The following GAD1 variants were observed in gnomAD, a reference collection of about 807,000 sequenced individuals.
GAD1 encodes glutamate decarboxylase 1.
GAD1 carries 35 observed loss-of-function variants against 75.2 expected under a neutral mutation model. That is an observed-to-expected ratio of 0.47 (90% CI 0.36 to 0.62). GAD1 has a LOEUF of 0.62. Among genes scored for constraint, GAD1 ranks in the 20% least tolerant of loss-of-function variants. The pLI, the probability that GAD1 is intolerant of heterozygous loss-of-function variation, is 0.00. For synonymous variants in GAD1, 257 were observed against 271.9 expected (o/e 0.95, Z 0.54); for missense variants, 490 against 758.5 (o/e 0.65, Z 4.16).
Position 170,853,108 on chromosome 2 carries a change from T to C in GAD1, c.1263+316T>C. 1 of 429,314 alleles carries C rather than the reference T, an allele frequency of 2.3e-6. No homozygotes were observed. Among genetic ancestry groups the C allele is most frequent in the Non-Finnish European group, 4.3e-6 (1 of 230,504 alleles). 26.6% of individuals were successfully genotyped at this position (429,314 alleles called of 1,614,324 possible). ...GGGAGCAAGTAGGTGAGGCATCCAA[T>C]CAGTTTTGTCCTCAGTGAGGACAAA... On this transcript the variant is annotated intron_variant, in intron 13 of 16. Transcript: ENST00000358196. This position sits in a 1 kb window ranked among gnomAD's most constrained non-coding sequence, Gnocchi z 4.1.
intron 14 of GAD1, among the ~76,000 whole-genome samples, chr2:170,854,590 A>G (rs1702812537): frequency 6.6e-6 from 1 of 152,104 alleles, no homozygotes; most frequent in African/African-American, 2.4e-5. Flanking sequence ...TATTTTTGGT[A>G]GAGACGGGGT....
intron 5 of GAD1, among the ~76,000 whole-genome samples, chr2:170,834,838 T>C (rs1013346069): frequency 1.3e-5 from 2 of 151,490 alleles, no homozygotes; most frequent in African/African-American, 2.4e-5. Context: ...TGGCGTGATC[T>C]CGGCTCACTG....
chr2:170,822,042 T>G (rs777297066), intron 2 of GAD1, 45 bp from the exon 3 acceptor site: 1 of 1,536,028 alleles, frequency 6.5e-7, no homozygotes, highest in Non-Finnish European at 8.9e-7. Flanking sequence ...TTCCCCGCGG[T>G]CGGAACCTCC....
At chr2:170,848,454 G>A (rs559605453) in intron 11 of GAD1, among the ~76,000 whole-genome samples, 19 of 145,472 alleles carry the variant, frequency 1.3e-4, no homozygotes, top group African/African-American at 3.8e-4. Context: ...CTGGGATCAC[G>A]CCACATCACT....
intron 12 of GAD1, among the ~76,000 whole-genome samples, chr2:170,850,585 G>T (rs530371239): frequency 6.8e-4 from 103 of 152,248 alleles, no homozygotes; most frequent in African/African-American, 2.3e-3. Context: ...GCCCGCCCAG[G>T]GCTTCTCCCA....
At chr2:170,828,471 TGTCCTTG>T in intron 3 of GAD1, among the ~76,000 whole-genome samples, 1 of 73,058 alleles carries the variant, frequency 1.4e-5, no homozygotes, top group Non-Finnish European at 2.8e-5. Context: ...CTCCCTCTGC[TGTCCTTG>T]ATCTCCTCCC....
intron 5 of GAD1, among the ~76,000 whole-genome samples, chr2:170,831,821 T>C (rs1395393594): frequency 3.4e-5 from 5 of 146,808 alleles, no homozygotes; most frequent in African/African-American, 9.9e-5. Context: ...ATAATATTTA[T>C]ATATATATGA....
At chr2:170,836,920 G>A (rs1702390974) in intron 6 of GAD1, 37 bp downstream of exon 6, 2 of 1,382,786 alleles carry the variant, frequency 1.4e-6, no homozygotes, top group South Asian at 2.3e-5. Context: ...CAACCCTGAT[G>A]TATGACTATG....
intron 6 of GAD1, chr2:170,842,594 T>C (rs2105795776): frequency 6.2e-7 from 1 of 1,614,058 alleles, no homozygotes; most frequent in East Asian, 2.2e-5. Flanking sequence ...GGAGTGTTGG[T>C]TGCTACGGTG....
chr2:170,814,715 TACTC>T (rs147894781), upstream of GAD1, among the ~76,000 whole-genome samples: 302 of 152,314 alleles, frequency 2.0e-3, 7 homozygotes, highest in East Asian at 0.04. Flanking sequence ...ATTCCTCCCC[TACTC>T]ACCATAAAGG....
At chr2:170,830,882 G>T in intron 4 of GAD1, 68 bp from the exon 5 acceptor site, 1 of 1,599,038 alleles carries the variant, frequency 6.3e-7, no homozygotes. Context: ...TTAATATTAG[G>T]GGTCTCTGGG....
In GAD1 at chr2:170,849,493, G is replaced by A. The variant is rs933065643; in HGVS notation, c.1184+143G>A. On this transcript the variant is annotated intron_variant, in intron 12 of 16. Coordinates refer to ENST00000358196, the MANE Select transcript of GAD1 (RefSeq NM_000817.3). ...CTTCAGTTCAGCAGGCATTTGTTGA[G>A]CATTTATTGGATGACTGATTTCCCA... 2.3e-4 allele frequency: 176 copies of A among 764,066 alleles called. No homozygotes were observed. In the African/African-American group the frequency reaches 2.9e-3, roughly 13 times the overall value. The allele number at this position is 764,066 out of a possible 1,614,324, so 47.3% of individuals were successfully genotyped here.
At chr2:170,822,411 C>T (rs1009089774) in intron 3 of GAD1, among the ~76,000 whole-genome samples, 7 of 152,242 alleles carry the variant, frequency 4.6e-5, no homozygotes, top group African/African-American at 1.7e-4. Flanking sequence ...GGGTGCCCTG[C>T]CTGGGCGCAG....
intron 2 of GAD1, among the ~76,000 whole-genome samples, chr2:170,819,314 A>T (rs1701802543): frequency 7.5e-6 from 1 of 133,666 alleles, no homozygotes; most frequent in African/African-American, 2.6e-5. Flanking sequence ...AAATAAATAA[A>T]TAGGGGAGCG....
rs76368226 is a variant in GAD1 at position 170,830,812 on chromosome 2, T to C, written c.305-138T>C. The stretch of plus-strand genomic sequence containing the variant: ...TGCATTTTTCTGGAGATGTGGTATA[T>C]CCGATTCTCAGTGCACATACATATC... On this transcript the variant is annotated intron_variant, in intron 4 of 16. Coordinates refer to ENST00000358196, the MANE Select transcript of GAD1 (RefSeq NM_000817.3). 1,099 of 1,094,616 alleles carry C rather than the reference T, an allele frequency of 1.0e-3. 5 individuals are homozygous for C. In the African/African-American group the frequency reaches 0.015, roughly 15 times the overall value. The allele number at this position is 1,094,616 out of a possible 1,614,324, so 67.8% of individuals were successfully genotyped here. A position where few individuals can be genotyped will look rare whatever the true frequency, so the allele number is the denominator to read the frequency against.
intron 5 of GAD1, 145 bp downstream of exon 5, chr2:170,831,337 C>A: frequency 1.1e-6 from 1 of 919,966 alleles, no homozygotes; most frequent in Non-Finnish European, 1.8e-6. Flanking sequence ...ACCACAAGAA[C>A]AAGCTTGGGC....
At chr2:170,813,980 A>C (rs1267595452), upstream of GAD1, among the ~76,000 whole-genome samples, 1 of 151,966 alleles carries the variant, frequency 6.6e-6, no homozygotes, top group Admixed American at 6.5e-5. Flanking sequence ...ATACAATCGA[A>C]ACAGCTGGGC....
At chr2:170,819,947 CT>C (rs904341358) in intron 2 of GAD1, among the ~76,000 whole-genome samples, 2 of 132,544 alleles carry the variant, frequency 1.5e-5, no homozygotes, top group Non-Finnish European at 3.6e-5. Context: ...TCCTTTGCAG[CT>C]CCCTCTTCCC....
rs1702625568 is a variant in GAD1 at position 170,846,055 on chromosome 2, A to G, written c.994A>G (p.Lys332Glu). 1 of 1,613,570 alleles carries G rather than the reference A, an allele frequency of 6.2e-7. No homozygotes were observed. The highest frequency in any genetic ancestry group is 1.3e-5 in the African/African-American group (1 of 75,054). Residue 332 changes from lysine (K) to glutamate (E), a missense_variant, in exon 10 of 17, where the codon AAA (lysine) becomes GAA (glutamate). Lys to Glu is a moderately conservative substitution (Grantham distance 56). Transcript: ENST00000358196. ...TTTTGAGGCAAAAATTCTTGAAGCCAAACAGAAGGTATGTACTCCGTGGTG... is the reference window on the plus strand; with the variant it reads ...TTTTGAGGCAAAAATTCTTGAAGCCGAACAGAAGGTATGTACTCCGTGGTG... ...ADFEAKILEAKQKGYVPFYVN... is the reference protein window; with the variant it reads ...ADFEAKILEAEQKGYVPFYVN...
Sources: allele counts gnomAD v4.1 joint callset (sites outside exome capture counted in the v4.1 genomes callset), GRCh38; gene constraint gnomAD v4.1.1; non-coding constraint Gnocchi (gnomAD v3.1); transcripts MANE v1.5; gene names NCBI Gene and HGNC (gene_info 2026-07-23, HGNC 2026-07-21).